DLG2: variants seen among roughly 807,000 people sequenced by gnomAD.
The protein encoded by DLG2 is discs large MAGUK scaffold protein 2, also known as disks large homolog 2.
In DLG2, 45 loss-of-function variants were observed where a neutral mutation model predicts 132.5. That is an observed-to-expected ratio of 0.34 (90% CI 0.27 to 0.44). The LOEUF is 0.44. Ranked by LOEUF, DLG2 falls within the 20% of genes least tolerant of loss-of-function variation. The probability of loss-of-function intolerance (pLI) is 1.00; values close to 1 mark genes in which losing one functional copy is unlikely to be tolerated. For synonymous variants in DLG2, 424 were observed against 419.6 expected, an observed-to-expected ratio of 1.01 and a Z score of -0.13; for missense variants, 1,045 against 1,196.9, an observed-to-expected ratio of 0.87 and a Z score of 1.87.
chr11:83,761,653 C>T (rs1366269394), intron 18 of DLG2, among the ~76,000 whole-genome samples: 1 of 152,150 alleles, frequency 6.6e-6, no homozygotes, highest in Non-Finnish European at 1.5e-5. Flanking sequence ...CTCCTAGACT[C>T]CTTCTGATTG....
chr11:84,702,164 T>C (rs1303233553), intron 6 of DLG2, among the ~76,000 whole-genome samples: 2 of 151,704 alleles, frequency 1.3e-5, no homozygotes, highest in African/African-American at 4.8e-5. Context: ...CCTTGCTTTA[T>C]TCCTGTGGTA....
chr11:84,071,403 C>G (rs905253765), intron 10 of DLG2, among the ~76,000 whole-genome samples: 16 of 152,100 alleles, frequency 1.1e-4, no homozygotes, highest in African/African-American at 3.6e-4. Context: ...CCATGCCTGG[C>G]CTGAACCTTT....
chr11:84,035,137 C>T (rs998799878), intron 11 of DLG2, among the ~76,000 whole-genome samples: 2 of 152,012 alleles, frequency 1.3e-5, no homozygotes, highest in African/African-American at 2.4e-5. Flanking sequence ...CTTTTCTGTC[C>T]GCTAAGCCAA....
intron 11 of DLG2, among the ~76,000 whole-genome samples, chr11:83,981,261 C>A (rs2092751640): frequency 6.6e-6 from 1 of 152,028 alleles, no homozygotes; most frequent in Non-Finnish European, 1.5e-5. Context: ...TGTTCTCTTG[C>A]CACCTTGTCA....
intron 7 of DLG2, among the ~76,000 whole-genome samples, chr11:84,429,175 G>T (rs559085489): frequency 6.6e-6 from 1 of 152,290 alleles, no homozygotes; most frequent in South Asian, 2.1e-4. Context: ...GACCTTTTGT[G>T]TATAGTCATT....
intron 14 of DLG2, among the ~76,000 whole-genome samples, chr11:83,956,042 T>C (rs1354325520): frequency 6.6e-6 from 1 of 152,100 alleles, no homozygotes; most frequent in Non-Finnish European, 1.5e-5. Flanking sequence ...CCATCTCCTC[T>C]TATGCATCCA....
intron 6 of DLG2, among the ~76,000 whole-genome samples, chr11:84,572,532 C>G (rs1042881422): frequency 7.9e-5 from 12 of 152,078 alleles, no homozygotes; most frequent in Admixed American, 7.9e-4. Flanking sequence ...TGAGATCAAC[C>G]AAGCCTGGCC....
intron 6 of DLG2, among the ~76,000 whole-genome samples, chr11:85,021,978 A>G (rs1178575482): frequency 1.3e-5 from 2 of 152,216 alleles, no homozygotes; most frequent in East Asian, 3.8e-4. Context: ...ATTTAAAGCT[A>G]GAAACTAAAA....
intron 7 of DLG2, among the ~76,000 whole-genome samples, chr11:84,406,372 G>A (rs1175784705): frequency 6.6e-6 from 1 of 152,110 alleles, no homozygotes; most frequent in African/African-American, 2.4e-5. Context: ...AGGCTGGAGT[G>A]CAGTGGCATA....
chr11:84,346,121 T>A (rs7127264), intron 7 of DLG2, among the ~76,000 whole-genome samples: 7,665 of 152,154 alleles, frequency 0.05, 671 homozygotes, highest in African/African-American at 0.17. Context: ...AAATTTTTTC[T>A]GAAACTAATT....
At chr11:85,026,666 T>C (rs560769646) in intron 6 of DLG2, among the ~76,000 whole-genome samples, 2 of 152,038 alleles carry the variant, frequency 1.3e-5, no homozygotes, top group East Asian at 1.9e-4. Context: ...TGAAACCCCA[T>C]CTCTACTAAA....
At chr11:84,703,882 A>T in intron 6 of DLG2, among the ~76,000 whole-genome samples, 1 of 118,700 alleles carries the variant, frequency 8.4e-6, no homozygotes, top group Admixed American at 8.1e-5. Flanking sequence ...ATATATATAT[A>T]TACACGTGTG....
chr11:84,700,209 TTA>T (rs1466534215), intron 6 of DLG2, among the ~76,000 whole-genome samples: 1 of 151,614 alleles, frequency 6.6e-6, no homozygotes. Context: ...ACAATAATAT[TTA>T]TTTTATAAAT....
At chr11:84,880,348 A>G (rs2154053624) in intron 6 of DLG2, among the ~76,000 whole-genome samples, 1 of 152,208 alleles carries the variant, frequency 6.6e-6, no homozygotes, top group East Asian at 1.9e-4. Flanking sequence ...TGAAACACAG[A>G]CATTAAAGTG....
At chr11:85,417,531 C>G (rs943789083) in intron 3 of DLG2, among the ~76,000 whole-genome samples, 6 of 152,164 alleles carry the variant, frequency 3.9e-5, no homozygotes, top group African/African-American at 1.2e-4. Context: ...ACCAGCTCCT[C>G]TTTATACCTC....
intron 19 of DLG2, among the ~76,000 whole-genome samples, chr11:83,565,174 T>G (rs1236466995): frequency 1.3e-5 from 2 of 152,202 alleles, no homozygotes; most frequent in African/African-American, 4.8e-5. Context: ...AGTACTCTGT[T>G]ACTGAGTACT....
chr11:85,462,726 C>T (rs889528901), intron 3 of DLG2, among the ~76,000 whole-genome samples: 3 of 151,794 alleles, frequency 2.0e-5, no homozygotes, highest in African/African-American at 4.8e-5. Flanking sequence ...GGGTGCAGCA[C>T]ACCAACATGC....
Position 85,281,601 on chromosome 11 carries a change from G to A in DLG2, c.186+3619C>T, listed in dbSNP as rs186013424. Among the ~76,000 whole-genome samples, 31 of 151,930 alleles carry A rather than the reference G, an allele frequency of 2.0e-4. 1 individual carries two copies. The highest frequency in any genetic ancestry group is 4.6e-4 in the African/African-American group (19 of 41,486). ...AAAACTTTCCAACGGTTTCTATTTC[G>A]CTCATAGTAAAATCTTTCCAATAGC... On this transcript the variant is annotated intron_variant, in intron 4 of 27. Coordinates refer to ENST00000376104, the MANE Select transcript of DLG2 (RefSeq NM_001142699.3).
intron 4 of DLG2, among the ~76,000 whole-genome samples, chr11:85,269,658 G>T (rs1343593799): frequency 2.0e-5 from 3 of 152,176 alleles, no homozygotes; most frequent in African/African-American, 7.2e-5. Flanking sequence ...GTTCACAATA[G>T]TGTTAATGTT....
Sources: allele counts gnomAD v4.1 joint callset (sites outside exome capture counted in the v4.1 genomes callset), GRCh38; gene constraint gnomAD v4.1.1; transcripts MANE v1.5; gene names NCBI Gene and HGNC (gene_info 2026-07-23, HGNC 2026-07-21).